Variants in PLXDC2 observed in about 807,000 individuals in gnomAD.
PLXDC2 encodes the protein plexin domain-containing protein 2.
Under a neutral mutation model 68.9 loss-of-function variants are expected in PLXDC2, and 40 were observed. That is an observed-to-expected ratio of 0.58 (90% CI 0.45 to 0.76). PLXDC2 has a LOEUF of 0.76. Ranked by LOEUF, PLXDC2 falls within the 30% of genes least tolerant of loss-of-function variation. The probability of loss-of-function intolerance (pLI) is 0.00; values close to 1 mark genes in which losing one functional copy is unlikely to be tolerated. For synonymous variants in PLXDC2, 243 were observed against 234.2 expected (o/e 1.04, Z -0.34); for missense variants, 644 against 661.9 (o/e 0.97, Z 0.30).
At chr10:20,150,146 T>C (rs890149866) in intron 6 of PLXDC2, among the ~76,000 whole-genome samples, 1 of 152,188 alleles carries the variant, frequency 6.6e-6, no homozygotes, top group Non-Finnish European at 1.5e-5. Context: ...CTCTTGATGC[T>C]GTACTTTCTA....
chr10:20,274,579 C>T (rs1180282682), intron 13 of PLXDC2, among the ~76,000 whole-genome samples: 7 of 152,086 alleles, frequency 4.6e-5, no homozygotes, highest in Non-Finnish European at 1.0e-4. Flanking sequence ...CAAAAGAGGG[C>T]GAGCAGAAAA....
At chr10:19,896,194 C>T (rs1245134241) in intron 1 of PLXDC2, among the ~76,000 whole-genome samples, 1 of 152,214 alleles carries the variant, frequency 6.6e-6, no homozygotes, top group Non-Finnish European at 1.5e-5. Context: ...CATGAGCTGA[C>T]TGTATAACCT....
intron 1 of PLXDC2, among the ~76,000 whole-genome samples, chr10:19,859,874 G>A (rs1837287240): frequency 6.6e-6 from 1 of 152,042 alleles, no homozygotes; most frequent in South Asian, 2.1e-4. Context: ...TGGGATTACA[G>A]GTGCGCTCCA....
In PLXDC2 at chr10:20,057,825, C is replaced by T. The variant is rs1455877711; in HGVS notation, c.472-10345C>T. Among the ~76,000 whole-genome samples, 3 of 151,826 alleles carry T rather than the reference C, an allele frequency of 2.0e-5. No homozygotes were observed. In the South Asian group the frequency reaches 6.2e-4, roughly 32 times the overall value. On this transcript the variant is annotated intron_variant, in intron 3 of 13. Transcript: ENST00000377252. ...CAAAAAGGATGTCATAAGGGAGCAACTCTCGGACGCTGTGTTGAGAAGCAT... is the reference window on the plus strand; with the variant it reads ...CAAAAAGGATGTCATAAGGGAGCAATTCTCGGACGCTGTGTTGAGAAGCAT...
intron 1 of PLXDC2, among the ~76,000 whole-genome samples, chr10:19,913,982 A>C (rs1833321408): frequency 6.6e-6 from 1 of 151,916 alleles, no homozygotes; most frequent in Admixed American, 6.6e-5. Context: ...TATGCTTGAA[A>C]GGAAAAGATA....
intron 1 of PLXDC2, among the ~76,000 whole-genome samples, chr10:19,954,264 A>G (rs1337049927): frequency 6.6e-6 from 1 of 152,218 alleles, no homozygotes; most frequent in Non-Finnish European, 1.5e-5. Flanking sequence ...ATCTACTGAA[A>G]ACAAAATTTG....
At chr10:20,178,599 C>T (rs975252435) in intron 9 of PLXDC2, among the ~76,000 whole-genome samples, 4 of 152,058 alleles carry the variant, frequency 2.6e-5, no homozygotes, top group African/African-American at 7.3e-5. Flanking sequence ...TATGAGCAGT[C>T]TGTCTTATCA....
At chr10:20,196,927 G>A (rs371041002) in intron 9 of PLXDC2, among the ~76,000 whole-genome samples, 19 of 152,096 alleles carry the variant, frequency 1.2e-4, no homozygotes, top group Non-Finnish European at 2.4e-4. Flanking sequence ...GTTAATTCAC[G>A]GCTAGAGGCT....
chr10:20,073,712 G>A (rs1453715449), intron 4 of PLXDC2, among the ~76,000 whole-genome samples: 1 of 152,076 alleles, frequency 6.6e-6, no homozygotes, highest in Non-Finnish European at 1.5e-5. Context: ...TAGAAACCTA[G>A]TTCTCTGTGA....
chr10:20,036,688 CTGAAAAATGAACATG>C (rs1477370135), intron 2 of PLXDC2, among the ~76,000 whole-genome samples: 3 of 152,024 alleles, frequency 2.0e-5, no homozygotes, highest in African/African-American at 7.2e-5. Flanking sequence ...ATCAGTGGCT[CTGAAAAATGAACATG>C]CATTTTACCC....
chr10:20,053,158 A>G (rs1005745077), intron 3 of PLXDC2, among the ~76,000 whole-genome samples: 2 of 152,120 alleles, frequency 1.3e-5, no homozygotes, highest in African/African-American at 4.8e-5. Context: ...ATATATTGGT[A>G]TCTCTTTCCT....
intron 1 of PLXDC2, among the ~76,000 whole-genome samples, chr10:19,989,318 C>T (rs1007954372): frequency 6.6e-6 from 1 of 152,136 alleles, no homozygotes; most frequent in African/African-American, 2.4e-5. Flanking sequence ...CATTAGCATA[C>T]AGATTCTACT....
intron 2 of PLXDC2, among the ~76,000 whole-genome samples, chr10:20,033,984 CTT>C (rs1835540553): frequency 6.6e-6 from 1 of 152,076 alleles, no homozygotes; most frequent in Admixed American, 6.6e-5. Context: ...GTTTTTGACT[CTT>C]AGTACCATGC....
At chr10:20,148,605 G>C (rs1452936462) in intron 6 of PLXDC2, among the ~76,000 whole-genome samples, 5 of 152,088 alleles carry the variant, frequency 3.3e-5, no homozygotes, top group African/African-American at 1.2e-4. Context: ...AGTAAGTAAG[G>C]CCTGTTGGAC....
At chr10:20,274,626 G>A (rs1835980786) in intron 13 of PLXDC2, among the ~76,000 whole-genome samples, 1 of 152,146 alleles carries the variant, frequency 6.6e-6, no homozygotes, top group African/African-American at 2.4e-5. Context: ...TCCCACACGA[G>A]CAATTACAAT....
At chr10:20,206,065 G>A (rs565969375) in intron 9 of PLXDC2, among the ~76,000 whole-genome samples, 224 of 151,886 alleles carry the variant, frequency 1.5e-3, no homozygotes, top group Non-Finnish European at 2.7e-3. Context: ...CTGAGATGAC[G>A]GCTATATTAA....
At chr10:19,998,211 G>A (rs1834873418) in intron 1 of PLXDC2, among the ~76,000 whole-genome samples, 1 of 152,052 alleles carries the variant, frequency 6.6e-6, no homozygotes, top group Admixed American at 6.6e-5. Context: ...AATTTGTTTT[G>A]GTGCTGATTT....
chr10:20,193,642 G>A (rs17699919), intron 9 of PLXDC2, among the ~76,000 whole-genome samples: 15,170 of 151,906 alleles, frequency 0.1, 907 homozygotes, highest in Non-Finnish European at 0.14. Context: ...GGATAAAAGG[G>A]GTGTGCTCTG....
intron 4 of PLXDC2, among the ~76,000 whole-genome samples, chr10:20,135,109 A>G (rs1833917814): frequency 2.0e-5 from 3 of 152,062 alleles, no homozygotes; most frequent in Non-Finnish European, 4.4e-5. Context: ...TTGTCCATGG[A>G]TGGTTGTATA....
Sources: gnomAD v4.1 joint callset for allele counts (sites outside exome capture counted in the v4.1 genomes callset) on GRCh38, gnomAD v4.1.1 for gene constraint, MANE v1.5 for transcripts, NCBI Gene and HGNC (gene_info 2026-07-23, HGNC 2026-07-21) for gene names.